AZIN2: variants seen among roughly 807,000 people sequenced by gnomAD.
AZIN2 encodes the protein antizyme inhibitor 2.
AZIN2 carries 28 observed loss-of-function variants against 47.8 expected under a neutral mutation model. That is an observed-to-expected ratio of 0.59 (90% CI 0.43 to 0.80). AZIN2 has a LOEUF of 0.80. Among genes scored for constraint, AZIN2 ranks in the 30% least tolerant of loss-of-function variants. The pLI, the probability that AZIN2 is intolerant of heterozygous loss-of-function variation, is 0.00. For missense variants in AZIN2, 535 were observed against 582.5 expected, an observed-to-expected ratio of 0.92 and a Z score of 0.84; for synonymous variants, 221 against 239.4, an observed-to-expected ratio of 0.92 and a Z score of 0.71.
rs1327236734 is a variant in AZIN2, at chr1:33,084,147, T to C, written c.279+20T>C. On this transcript the variant is annotated intron_variant, in intron 5 of 11. Transcript: ENST00000294517. ...AACAAGGTGAGCCCTGCCCGCACGG[T>C]GCACTGACCCTCCATGCCCACTGAA... The C allele has an allele frequency of 1.2e-6, 2 of 1,604,748 alleles. No individual in the cohort carries two copies. The highest frequency in any genetic ancestry group is 2.2e-4 in the Middle Eastern group (1 of 4,604).
chr1:33,142,197 T>C, the AZIN2 span: 1 of 152,358 alleles, frequency 6.6e-6, no homozygotes, highest in Non-Finnish European at 1.5e-5. Flanking sequence ...GGTGATGTGC[T>C]TTGGGGTGGT....
downstream of AZIN2, among the ~76,000 whole-genome samples, chr1:33,123,929 G>C (rs1310449662): frequency 6.6e-6 from 1 of 152,108 alleles, no homozygotes; most frequent in Non-Finnish European, 1.5e-5. Flanking sequence ...CTGGAAGGTG[G>C]AGGTTGTAGT....
chr1:33,107,570 C>T (rs1007516310), intron 10 of AZIN2, among the ~76,000 whole-genome samples: 3 of 152,124 alleles, frequency 2.0e-5, no homozygotes, highest in African/African-American at 7.2e-5. Flanking sequence ...CAGAGCCAGA[C>T]TCCATCTCAA....
At chr1:33,112,197 G>A (rs1644318423) in intron 10 of AZIN2, among the ~76,000 whole-genome samples, 1 of 152,142 alleles carries the variant, frequency 6.6e-6, no homozygotes, top group African/African-American at 2.4e-5. Flanking sequence ...ACTACTTTGG[G>A]AAACAAGTAG....
chr1:33,159,640 C>T, the AZIN2 span: 285 of 1,572,444 alleles, frequency 1.8e-4, no homozygotes, highest in Admixed American at 1.5e-4. This position sits in a 1 kb window ranked among gnomAD's most constrained non-coding sequence, Gnocchi z 4.2. Context: ...CAGCATGGGT[C>T]GAGGAGGGGA....
At chr1:33,103,103 C>G (rs1004520560) in intron 10 of AZIN2, among the ~76,000 whole-genome samples, 2 of 152,140 alleles carry the variant, frequency 1.3e-5, no homozygotes, top group East Asian at 3.9e-4. Context: ...TAGCCATTAA[C>G]TGGTTTTCCA....
At chr1:33,158,472 A>G in the AZIN2 span, 2 of 840,398 alleles carry the variant, frequency 2.4e-6, no homozygotes, top group Non-Finnish European at 4.0e-6. Context: ...GGATGTGGTC[A>G]TGAGTGAGAA....
Position 33,121,874 on chromosome 1 carries a change from A to G in AZIN2, c.*1692A>G, listed in dbSNP as rs1644801525. On this transcript the variant is annotated 3_prime_UTR_variant, in exon 12 of 12. Transcript: ENST00000294517. ...GGGAACTGTACGTGGCTTTGAGGTC[A>G]TCTCATGAGGCAATGTGGCATGGGT... Among the ~76,000 whole-genome samples, 1 of 152,184 alleles carries G rather than the reference A, an allele frequency of 6.6e-6. No individual in the cohort carries two copies. The highest frequency in any genetic ancestry group is 1.5e-5 in the Non-Finnish European group (1 of 68,042).
At chr1:33,090,123 G>C (rs1642370392) in intron 5 of AZIN2, among the ~76,000 whole-genome samples, 1 of 152,206 alleles carries the variant, frequency 6.6e-6, no homozygotes, top group South Asian at 2.1e-4. Context: ...ATTTTATGAA[G>C]TTTTATTGAC....
At chr1:33,152,631 TAAAC>T in the AZIN2 span, among the ~76,000 whole-genome samples, 1 of 146,416 alleles carries the variant, frequency 6.8e-6, no homozygotes, top group Admixed American at 6.8e-5. Context: ...ATAATAACAA[TAAAC>T]AGACAGGAAT....
intron 5 of AZIN2, among the ~76,000 whole-genome samples, chr1:33,088,530 C>T (rs1642190440): frequency 6.6e-6 from 1 of 152,104 alleles, no homozygotes; most frequent in Non-Finnish European, 1.5e-5. Context: ...ATGTCGTTTC[C>T]CTTCCTAACC....
the AZIN2 span, chr1:33,147,449 A>G: frequency 6.2e-7 from 1 of 1,613,852 alleles, no homozygotes; most frequent in Non-Finnish European, 8.5e-7. This position sits in a 1 kb window ranked among gnomAD's most constrained non-coding sequence, Gnocchi z 8.1. Context: ...ATGCAGTAGA[A>G]GCCGCGGCTG....
the AZIN2 span, among the ~76,000 whole-genome samples, chr1:33,145,072 C>T: frequency 3.9e-5 from 6 of 152,186 alleles, no homozygotes; most frequent in Non-Finnish European, 8.8e-5. Flanking sequence ...GTGTGGTTCC[C>T]GAGACCAGGC....
At chr1:33,147,411 G>A in the AZIN2 span, 18 of 1,614,148 alleles carry the variant, frequency 1.1e-5, no homozygotes, top group East Asian at 1.6e-4. The surrounding 1 kb of genome is among the most constrained non-coding windows in gnomAD (Gnocchi z 8.1). Context: ...CCGTGCAGGC[G>A]CTGTACTGGT....
At chr1:33,149,688 C>T in the AZIN2 span, among the ~76,000 whole-genome samples, 5 of 152,204 alleles carry the variant, frequency 3.3e-5, no homozygotes, top group Non-Finnish European at 7.3e-5. Flanking sequence ...CTCCTGGCCT[C>T]AAGTGATCCT....
Position 33,120,221 on chromosome 1 carries a change from CAG to C in AZIN2, c.*43_*44del. 1 of 1,568,298 alleles carries C rather than the reference CAG, an allele frequency of 6.4e-7. No homozygotes were observed. Among genetic ancestry groups the C allele is most frequent in the Non-Finnish European group, 8.7e-7 (1 of 1,150,674 alleles). On this transcript the variant is annotated 3_prime_UTR_variant, in exon 12 of 12. Coordinates refer to ENST00000294517, the MANE Select transcript of AZIN2 (RefSeq NM_052998.4). ...CCCCCGGAGAATCCCAGCGGGGCCT[CAG>C]AGATGCATCTGGGAGAGGTGGGGAA...
At chr1:33,143,546 A>C in the AZIN2 span, among the ~76,000 whole-genome samples, 88 of 152,012 alleles carry the variant, frequency 5.8e-4, no homozygotes, top group African/African-American at 2.0e-3. Flanking sequence ...AGACCTCTCC[A>C]CCCACCCCTG....
At position 33,098,195 on chromosome 1, in the gene AZIN2, G is replaced by T; in HGVS notation, c.1029+16G>T. 6.4e-7 allele frequency: 1 copy of T among 1,572,660 alleles called. No individual in the cohort carries two copies. The highest frequency in any genetic ancestry group is 8.7e-7 in the Non-Finnish European group (1 of 1,150,274). The stretch of plus-strand genomic sequence containing the variant: ...CCTGCAGAAGGTGAGCTTACCCCAC[G>T]TGGGCCTGTTTTCAGTTGTGTGTGT... On this transcript the variant is annotated intron_variant, in intron 10 of 11. Coordinates refer to ENST00000294517, the MANE Select transcript of AZIN2 (RefSeq NM_052998.4).
the AZIN2 span, among the ~76,000 whole-genome samples, chr1:33,157,428 C>T: frequency 2.6e-5 from 4 of 152,160 alleles, no homozygotes; most frequent in African/African-American, 4.8e-5. Flanking sequence ...CTTCTCAGTG[C>T]GGGCTGGTTC....
Sources: allele counts gnomAD v4.1 joint callset (sites outside exome capture counted in the v4.1 genomes callset), GRCh38; gene constraint gnomAD v4.1.1; non-coding constraint Gnocchi (gnomAD v3.1); transcripts MANE v1.5; gene names NCBI Gene and HGNC (gene_info 2026-07-23, HGNC 2026-07-21).